Variants in NR2C2 observed in about 807,000 individuals in gnomAD.
NR2C2 encodes Nuclear hormone receptor TR4.
NR2C2 carries 6 observed loss-of-function variants against 62.9 expected under a neutral mutation model. That is an observed-to-expected ratio of 0.10 (90% CI 0.05 to 0.19). The LOEUF is 0.19. Among genes scored for constraint, NR2C2 ranks in the 10% least tolerant of loss-of-function variants. The probability of loss-of-function intolerance (pLI) is 1.00; values close to 1 mark genes in which losing one functional copy is unlikely to be tolerated. For synonymous variants in NR2C2, 272 were observed against 273.8 expected, an observed-to-expected ratio of 0.99 and a Z score of 0.07; for missense variants, 479 against 762.7, an observed-to-expected ratio of 0.63 and a Z score of 4.38.
chr3:15,022,347 A>G (rs1160287385), intron 5 of NR2C2, among the ~76,000 whole-genome samples: 1 of 151,002 alleles, frequency 6.6e-6, no homozygotes, highest in Non-Finnish European at 1.5e-5. Flanking sequence ...TAGGAAATGC[A>G]TTCTATTAAG....
intron 1 of NR2C2, among the ~76,000 whole-genome samples, chr3:14,997,203 C>T (rs111659484): frequency 6.6e-6 from 1 of 152,178 alleles, no homozygotes; most frequent in African/African-American, 2.4e-5. Context: ...TAGTATTCAC[C>T]ACAGTCACAT....
At chr3:14,963,695 C>T (rs182915780) in intron 1 of NR2C2, among the ~76,000 whole-genome samples, 3 of 152,288 alleles carry the variant, frequency 2.0e-5, no homozygotes, top group Non-Finnish European at 4.4e-5. Context: ...TGGTCTCCAT[C>T]TCCTGACCTC....
chr3:15,011,274 G>C (rs2041345698), intron 2 of NR2C2, among the ~76,000 whole-genome samples: 1 of 152,212 alleles, frequency 6.6e-6, no homozygotes, highest in South Asian at 2.1e-4. Flanking sequence ...AGGAGGTTGA[G>C]ACTGCGGTGA....
intron 7 of NR2C2, chr3:15,025,903 A>T (rs1216234460): frequency 6.6e-6 from 1 of 152,210 alleles, no homozygotes; most frequent in Non-Finnish European, 1.5e-5. Flanking sequence ...GTTGTGATTT[A>T]ATCATTTCTG....
intron 1 of NR2C2, among the ~76,000 whole-genome samples, chr3:14,964,537 A>T (rs1047184765): frequency 1.3e-5 from 2 of 151,222 alleles, no homozygotes; most frequent in South Asian, 4.2e-4. Context: ...TTTTTTTGAG[A>T]TGGAGTCTCG....
chr3:14,974,451 A>G (rs1300524508), intron 1 of NR2C2, among the ~76,000 whole-genome samples: 1 of 152,126 alleles, frequency 6.6e-6, no homozygotes, highest in Non-Finnish European at 1.5e-5. Flanking sequence ...CAGGGATTAC[A>G]TTGAGTTTGT....
At chr3:14,957,940 A>G (rs1354107498) in intron 1 of NR2C2, among the ~76,000 whole-genome samples, 1 of 149,174 alleles carries the variant, frequency 6.7e-6, no homozygotes, top group African/African-American at 2.5e-5. Flanking sequence ...CCATTCCTCA[A>G]ATATGCCACT....
chr3:15,040,181 C>A (rs1025716075), intron 13 of NR2C2, among the ~76,000 whole-genome samples: 20 of 149,386 alleles, frequency 1.3e-4, no homozygotes, highest in African/African-American at 3.2e-4. Flanking sequence ...AAAAAAACAA[C>A]AAAAAAAAAC....
chr3:15,009,019 G>C (rs1202021715), intron 2 of NR2C2, among the ~76,000 whole-genome samples: 2 of 152,106 alleles, frequency 1.3e-5, no homozygotes, highest in Admixed American at 6.5e-5. Context: ...TTGGGAGTTT[G>C]AGACCAGCCT....
intron 9 of NR2C2, among the ~76,000 whole-genome samples, chr3:15,031,370 A>AT (rs34302514): frequency 5.4e-4 from 79 of 145,766 alleles, no homozygotes; most frequent in East Asian, 4.3e-3. Context: ...TTCCCCCAGT[A>AT]TTTTTTTTTT....
At chr3:15,019,273 T>G (rs963992275) in intron 4 of NR2C2, among the ~76,000 whole-genome samples, 2 of 151,364 alleles carry the variant, frequency 1.3e-5, no homozygotes, top group African/African-American at 2.4e-5. Flanking sequence ...CGAAAAGAAG[T>G]GCTAGGGAGG....
intron 1 of NR2C2, among the ~76,000 whole-genome samples, chr3:14,994,508 T>C (rs1278185004): frequency 7.6e-6 from 1 of 131,582 alleles, no homozygotes; most frequent in Non-Finnish European, 1.5e-5. Flanking sequence ...AGTGGTGCAA[T>C]CTCAGCTCAC....
At chr3:14,998,954 C>T (rs13099403) in intron 1 of NR2C2, among the ~76,000 whole-genome samples, 4,633 of 152,164 alleles carry the variant, frequency 0.03, 130 homozygotes, top group Admixed American at 0.051. Context: ...TGCAGTGAGC[C>T]AAGATTGTGC....
intron 2 of NR2C2, among the ~76,000 whole-genome samples, chr3:15,005,519 C>CTTTT (rs574293033): frequency 1.1e-4 from 13 of 114,100 alleles, no homozygotes; most frequent in Admixed American, 7.3e-4. Flanking sequence ...GCGTGGCCAA[C>CTTTT]TTTTTTTTTT....
At position 15,047,541 on chromosome 3, in the gene NR2C2, A is replaced by AT. The variant is rs2125122503; in HGVS notation, c.*4533_*4534insT. On this transcript the variant is annotated 3_prime_UTR_variant, in exon 14 of 14. Coordinates refer to ENST00000425241, the MANE Select transcript of NR2C2 (RefSeq NM_001291694.2). ...TTCAGCTCTGTTGAGTAGCCCAGAG[A>AT]CAGGCGTCACGGTCAGAGATTCAGA... is the stretch of plus-strand genomic sequence containing the variant. The AT allele has an allele frequency of 6.6e-6, 1 of 152,344 alleles. No individual in the cohort carries two copies. Among genetic ancestry groups the AT allele is most frequent in the South Asian group, 2.1e-4 (1 of 4,824 alleles). The allele number at this position is 152,344 out of a possible 1,614,324, so 9.4% of individuals were successfully genotyped here.
At position 15,009,219 on chromosome 3, in the gene NR2C2, T is replaced by A. The variant is rs563445262; in HGVS notation, c.73-4370T>A. Among the ~76,000 whole-genome samples, 67 of 152,264 alleles carry A rather than the reference T, an allele frequency of 4.4e-4. No individual in the cohort carries two copies. The Middle Eastern group carries it at 0.034, about 77-fold the overall frequency. ...CCTGGGCAACAAGAGCGAAACTCCG[T>A]CTCAAAAATAAATAAGTAAATACGG... On this transcript the variant is annotated intron_variant, in intron 2 of 13. Coordinates refer to ENST00000425241, the MANE Select transcript of NR2C2 (RefSeq NM_001291694.2).
chr3:15,011,687 C>G (rs1242252126), intron 2 of NR2C2, among the ~76,000 whole-genome samples: 2 of 152,186 alleles, frequency 1.3e-5, no homozygotes, highest in East Asian at 3.9e-4. Flanking sequence ...TGATGATATA[C>G]TGGGGTTTGT....
chr3:14,983,138 A>G (rs559829278), intron 1 of NR2C2, among the ~76,000 whole-genome samples: 1 of 152,302 alleles, frequency 6.6e-6, no homozygotes, highest in South Asian at 2.1e-4. Flanking sequence ...TCCCTCAGTT[A>G]TACTGAAATG....
intron 1 of NR2C2, among the ~76,000 whole-genome samples, chr3:14,974,560 T>C (rs1466960477): frequency 6.6e-6 from 1 of 152,108 alleles, no homozygotes; most frequent in East Asian, 1.9e-4. Context: ...TTTAATTTCT[T>C]TCCATGGTGT....
Sources: allele counts gnomAD v4.1 joint callset (sites outside exome capture counted in the v4.1 genomes callset), GRCh38; gene constraint gnomAD v4.1.1; transcripts MANE v1.5; gene names NCBI Gene and HGNC (gene_info 2026-07-23, HGNC 2026-07-21).